NAV2: variants seen among roughly 807,000 people sequenced by gnomAD.
The protein encoded by NAV2 is neuron navigator 2.
Under a neutral mutation model 223.2 loss-of-function variants are expected in NAV2, and 54 were observed. That is an observed-to-expected ratio of 0.24 (90% CI 0.19 to 0.30). The LOEUF is 0.30. NAV2 is among the 10% of genes least tolerant of loss of function. NAV2 has a pLI of 1.00. For synonymous variants in NAV2, 1,279 were observed against 1,239.3 expected (o/e 1.03, Z -0.67); for missense variants, 2,806 against 3,147.5 (o/e 0.89, Z 2.60).
intron 1 of NAV2, among the ~76,000 whole-genome samples, chr11:19,381,122 G>GACATTCAGC (rs1848823856): frequency 6.6e-6 from 1 of 152,080 alleles, no homozygotes; most frequent in South Asian, 2.1e-4. Flanking sequence ...CTCATCCTTT[G>GACATTCAGC]ACATTCAGCC....
chr11:19,493,886 C>A (rs1187596500), intron 1 of NAV2, among the ~76,000 whole-genome samples: 1 of 152,198 alleles, frequency 6.6e-6, no homozygotes, highest in African/African-American at 2.4e-5. Flanking sequence ...AAAAGAAAGG[C>A]CCGAAAGAAA....
At chr11:19,597,659 G>A (rs1336892711) in intron 1 of NAV2, among the ~76,000 whole-genome samples, 1 of 152,228 alleles carries the variant, frequency 6.6e-6, no homozygotes, top group East Asian at 1.9e-4. Flanking sequence ...GTCCCAATTA[G>A]TTGCTTGTTA....
chr11:19,528,680 C>G (rs2043923253), intron 1 of NAV2, among the ~76,000 whole-genome samples: 1 of 152,002 alleles, frequency 6.6e-6, no homozygotes, highest in Non-Finnish European at 1.5e-5. Context: ...GCCTGTAATC[C>G]CAGCGCTTTG....
At chr11:19,915,073 A>AAAC (rs2043683979) in intron 6 of NAV2, among the ~76,000 whole-genome samples, 1 of 152,138 alleles carries the variant, frequency 6.6e-6, no homozygotes, top group Non-Finnish European at 1.5e-5. Flanking sequence ...TTTGTCTTCC[A>AAAC]CAGTTGGAGT....
At chr11:19,449,608 G>A (rs553484144) in intron 1 of NAV2, among the ~76,000 whole-genome samples, 9 of 140,652 alleles carry the variant, frequency 6.4e-5, no homozygotes, top group African/African-American at 2.4e-4. Flanking sequence ...TTCAGGGTGT[G>A]TGTGTGTGTT....
chr11:19,406,436 G>A (rs750417420), intron 1 of NAV2, among the ~76,000 whole-genome samples: 4 of 152,148 alleles, frequency 2.6e-5, no homozygotes, highest in Non-Finnish European at 5.9e-5. Flanking sequence ...TTCCAGAAGA[G>A]GAAAAGGGAA....
chr11:19,462,668 A>T (rs924529045), intron 1 of NAV2, among the ~76,000 whole-genome samples: 1 of 152,206 alleles, frequency 6.6e-6, no homozygotes, highest in African/African-American at 2.4e-5. Context: ...AGGACCTAAC[A>T]CCCAGAATGG....
At position 19,734,865 on chromosome 11, in the gene NAV2, G is replaced by C. The variant is rs186175180; in HGVS notation, c.267+20903G>C. Among the ~76,000 whole-genome samples, 3 of 152,262 alleles carry C rather than the reference G, an allele frequency of 2.0e-5. No individual in the cohort carries two copies. The East Asian group carries it at 5.8e-4, about 29-fold the overall frequency. On this transcript the variant is annotated intron_variant, in intron 1 of 37. Transcript: ENST00000349880. ...CCATGGAGGGCTGGGTCAAGCCTAT[G>C]AGCCTCCACTCAGGCTGGCAGTGAA...
At chr11:19,722,306 A>T (rs570560346) in intron 1 of NAV2, among the ~76,000 whole-genome samples, 1 of 138,256 alleles carries the variant, frequency 7.2e-6, no homozygotes, top group East Asian at 2.0e-4. Context: ...TAAATTTTTT[A>T]AATGAAGTAA....
intron 1 of NAV2, among the ~76,000 whole-genome samples, chr11:19,805,697 A>G (rs1475467722): frequency 6.6e-6 from 1 of 152,192 alleles, no homozygotes; most frequent in Non-Finnish European, 1.5e-5. Flanking sequence ...TGAAATATCT[A>G]ACCATGTTTA....
At chr11:20,051,168 G>T (rs1486768121) in intron 16 of NAV2, 121 bp from the exon 17 acceptor site, 2 of 785,096 alleles carry the variant, frequency 2.5e-6, no homozygotes, top group Non-Finnish European at 4.5e-6. Flanking sequence ...GCTGGATAAG[G>T]CACTTCCTGG....
chr11:19,654,558 A>G (rs2048063887), intron 1 of NAV2, among the ~76,000 whole-genome samples: 1 of 152,190 alleles, frequency 6.6e-6, no homozygotes, highest in Admixed American at 6.5e-5. Context: ...AGACCAATGG[A>G]ACAGAACAGA....
At chr11:19,562,250 A>G (rs1308281866) in intron 1 of NAV2, among the ~76,000 whole-genome samples, 2 of 152,208 alleles carry the variant, frequency 1.3e-5, no homozygotes, top group African/African-American at 4.8e-5. Flanking sequence ...ATATAGAAAG[A>G]CGGCACCTGC....
At chr11:19,495,489 A>G (rs1425577297) in intron 1 of NAV2, among the ~76,000 whole-genome samples, 1 of 152,202 alleles carries the variant, frequency 6.6e-6, no homozygotes, top group Non-Finnish European at 1.5e-5. Context: ...CTGGTGACAT[A>G]CAGCTTACTT....
At chr11:19,860,086 A>G (rs1236165576) in intron 3 of NAV2, among the ~76,000 whole-genome samples, 10 of 114,334 alleles carry the variant, frequency 8.7e-5, no homozygotes, top group Admixed American at 1.7e-4. Context: ...CTGGCCGGGC[A>G]GAGGGGCTCC....
chr11:20,038,575 C>T (rs961565127), intron 12 of NAV2, among the ~76,000 whole-genome samples: 4 of 152,174 alleles, frequency 2.6e-5, no homozygotes, highest in Admixed American at 2.6e-4. Context: ...CTGAGGAATG[C>T]TAAGGGCCAT....
At chr11:20,056,718 C>T in intron 19 of NAV2, 1 of 834,014 alleles carries the variant, frequency 1.2e-6, no homozygotes. Context: ...GCTCATTAAC[C>T]AATGATAAGA....
chr11:19,620,041 G>C (rs990163423), intron 1 of NAV2, among the ~76,000 whole-genome samples: 1 of 152,040 alleles, frequency 6.6e-6, no homozygotes, highest in Non-Finnish European at 1.5e-5. Flanking sequence ...TCTTGTTTTT[G>C]TCAGGTTTGT....
chr11:19,356,630 G>A (rs566134332), intron 1 of NAV2, among the ~76,000 whole-genome samples: 529 of 152,254 alleles, frequency 3.5e-3, no homozygotes, highest in Non-Finnish European at 4.9e-3. Context: ...ACTGAAGAGA[G>A]AACTAAATAA....
Sources: allele counts gnomAD v4.1 joint callset (sites outside exome capture counted in the v4.1 genomes callset), GRCh38; gene constraint gnomAD v4.1.1; transcripts MANE v1.5; gene names NCBI Gene and HGNC (gene_info 2026-07-23, HGNC 2026-07-21).